Variants in SIGLEC11 observed in about 807,000 individuals in gnomAD.
The protein encoded by SIGLEC11 is sialic acid binding Ig like lectin 11.
A neutral mutation model predicts 61.2 loss-of-function variants in SIGLEC11; 47 were observed. The ratio of observed to expected loss-of-function variants is 0.77; its 90% CI spans 0.61 to 0.98. The LOEUF (loss-of-function observed/expected upper bound fraction) is 0.98. SIGLEC11 is among the 50% of genes least tolerant of loss of function. SIGLEC11 has a pLI of 0.00. For missense variants in SIGLEC11, 610 were observed against 870.3 expected (o/e 0.70, Z 3.76); for synonymous variants, 278 against 373.1 (o/e 0.75, Z 2.94).
intron 8 of SIGLEC11, among the ~76,000 whole-genome samples, chr19:49,954,223 G>C (rs1485167137): frequency 6.6e-6 from 1 of 152,164 alleles, no homozygotes; most frequent in Non-Finnish European, 1.5e-5. Context: ...CCCAGAAAGA[G>C]CAAGAGAAGC....
rs2122880125 is a variant in SIGLEC11 at position 49,951,718 on chromosome 19, G to A, written c.1830+173C>T. Among the ~76,000 whole-genome samples, 1 of 152,220 alleles carries A rather than the reference G, an allele frequency of 6.6e-6. No homozygotes were observed. Among genetic ancestry groups the A allele is most frequent in the Middle Eastern group, 3.4e-3 (1 of 294 alleles). On this transcript the variant is annotated intron_variant, in intron 10 of 10. Transcript: ENST00000447370. The surrounding 1 kb of genome is among the most constrained non-coding windows in gnomAD (Gnocchi z 4.6). The stretch of plus-strand genomic sequence containing the variant: ...TTGGTTCTGGGAGGGGATGTAGGGA[G>A]CAGTGGGGAGGGTGCCTCCCAGATC...
intron 8 of SIGLEC11, among the ~76,000 whole-genome samples, chr19:49,957,107 C>T (rs1187579802): frequency 6.6e-6 from 1 of 152,128 alleles, no homozygotes; most frequent in Non-Finnish European, 1.5e-5. Context: ...TAGGAAGTTG[C>T]CGAATACTCC....
Position 49,958,342 on chromosome 19 carries a change from C to T in SIGLEC11, c.1592G>A (p.Arg531His), listed in dbSNP as rs559294928. 24 of 1,614,214 alleles carry T rather than the reference C, an allele frequency of 1.5e-5. No individual in the cohort carries two copies. In the Admixed American group the frequency reaches 2.8e-4, roughly 19 times the overall value. Residue 531 changes from arginine to histidine, a missense_variant, in exon 8 of 11, where the codon CGC becomes CAC. This residue lies in a region of SIGLEC11 where 432 missense variants were observed against 441.5 expected (regional missense o/e 0.98). Coordinates refer to ENST00000447370, the MANE Select transcript of SIGLEC11 (RefSeq NM_052884.3). The part of the protein sequence containing the change: ...HGGLSSGLRL[R>H]CKAWNVHGAQ... ...CCCGTGGACGTTCCAGGCCTTACAG[C>T]GGAGCCTGAGGCCGGAGCTGAGCCC...
At position 49,958,702 on chromosome 19, in the gene SIGLEC11, G is replaced by A. The variant is rs376222513; in HGVS notation, c.1304C>T (p.Thr435Ile). ...GCCCAGAGGGTGCTGAGCGTGGCAG[G>A]TGAACTCTCCTTCGTGCTCCATTTG... ...PIQMEHEGEF[T>I]CHAQHPLGSQ... Residue 435 changes from threonine to isoleucine, a missense_variant, in exon 7 of 11, where the codon ACC becomes ATC. By Grantham distance (89) the Thr-to-Ile change is moderately conservative. Transcript: ENST00000447370. The A allele has an allele frequency of 8.1e-6, 13 of 1,612,574 alleles. No individual in the cohort carries two copies. The highest frequency in any genetic ancestry group is 5.3e-5 in the African/African-American group (4 of 74,922).
Position 49,949,899 on chromosome 19 carries a change from G to A in SIGLEC11, c.*71C>T. ...CATTGGGGATGGGGCTGAAATCTGA[G>A]TCCAGTTCTGGCCGTCACACCAGTG... On this transcript the variant is annotated 3_prime_UTR_variant, in exon 11 of 11. Coordinates refer to ENST00000447370, the MANE Select transcript of SIGLEC11 (RefSeq NM_052884.3). The A allele has an allele frequency of 1.5e-6, 2 of 1,326,270 alleles. No individual in the cohort carries two copies. The highest frequency in any genetic ancestry group is 1.9e-6 in the Non-Finnish European group (2 of 1,026,354). The allele number at this position is 1,326,270 out of a possible 1,614,324, so 82.2% of individuals were successfully genotyped here.
Position 49,958,634 on chromosome 19 carries a change from C to T in SIGLEC11, c.1363+9G>A. ...CCTGGGACCCAGGTGTCCCCTTTCC[C>T]CCACTCACAGTGCACGGAGAGGCTG... On this transcript the variant is annotated intron_variant, in intron 7 of 10. Coordinates refer to ENST00000447370, the MANE Select transcript of SIGLEC11 (RefSeq NM_052884.3). The T allele has an allele frequency of 6.3e-7, 1 of 1,580,328 alleles. No homozygotes were observed. Among genetic ancestry groups the T allele is most frequent in the Non-Finnish European group, 8.6e-7 (1 of 1,163,876 alleles).
At chr19:49,952,188 C>T (rs1287979221) in intron 9 of SIGLEC11, 110 bp downstream of exon 9, 8 of 1,219,274 alleles carry the variant, frequency 6.6e-6, no homozygotes, top group Non-Finnish European at 9.3e-6. Flanking sequence ...TTGCCCAAGG[C>T]CTAGTTCTCA....
rs1167316371 is a variant in SIGLEC11, at chr19:49,958,277, C to G, written c.1651+6G>C. The G allele has an allele frequency of 6.2e-7, 1 of 1,613,724 alleles. No homozygotes were observed. Among genetic ancestry groups the G allele is most frequent in the Admixed American group, 1.7e-5 (1 of 59,832 alleles). ...CCTGAACCTCAGCCCCCCACAGTCC[C>G]CTCACCTGGTAGCAGCTGGAAGACA... On this transcript the variant is annotated splice_donor_region_variant and intron_variant, in intron 8 of 10. Coordinates refer to ENST00000447370, the MANE Select transcript of SIGLEC11 (RefSeq NM_052884.3).
At position 49,955,498 on chromosome 19, in the gene SIGLEC11, C is replaced by T. The variant is rs986052597; in HGVS notation, c.1651+2785G>A. Among the ~76,000 whole-genome samples, 11 of 152,202 alleles carry T rather than the reference C, an allele frequency of 7.2e-5. No homozygotes were observed. In the South Asian group the frequency reaches 1.0e-3, roughly 14 times the overall value. ...GAAACAGTAAAGATAGATGGCAGTG[C>T]GTGCGTGCACAGGGGCGGGGCCCAC... On this transcript the variant is annotated intron_variant, in intron 8 of 10. Transcript: ENST00000447370. This position sits in a 1 kb window ranked among gnomAD's most constrained non-coding sequence, Gnocchi z 4.5.
intron 8 of SIGLEC11, 117 bp downstream of exon 8, chr19:49,958,166 C>T (rs577657121): frequency 6.9e-7 from 1 of 1,453,824 alleles, no homozygotes; most frequent in Non-Finnish European, 9.4e-7. Flanking sequence ...AGAGCAGGGA[C>T]TTTGTCCCCA....
intron 10 of SIGLEC11, among the ~76,000 whole-genome samples, chr19:49,950,731 G>A (rs547868514): frequency 1.3e-5 from 2 of 152,310 alleles, no homozygotes; most frequent in East Asian, 3.9e-4. Context: ...CAGTATGGAA[G>A]AAGAAGTAGA....
chr19:49,950,258 G>A, intron 10 of SIGLEC11, 22 bp from the exon 11 acceptor site: 1 of 1,529,028 alleles, frequency 6.5e-7, no homozygotes, highest in Non-Finnish European at 8.8e-7. Context: ...GGAGAAAGGG[G>A]GTCAAATTAG....
In SIGLEC11 at chr19:49,955,495, G is replaced by A. The variant is rs2076189682; in HGVS notation, c.1651+2788C>T. Among the ~76,000 whole-genome samples, 1 of 152,218 alleles carries A rather than the reference G, an allele frequency of 6.6e-6. No homozygotes were observed. Among genetic ancestry groups the A allele is most frequent in the Non-Finnish European group, 1.5e-5 (1 of 68,050 alleles). ...AAAGAAACAGTAAAGATAGATGGCAGTGCGTGCGTGCACAGGGGCGGGGCC... is the reference window on the plus strand; with the variant it reads ...AAAGAAACAGTAAAGATAGATGGCAATGCGTGCGTGCACAGGGGCGGGGCC... On this transcript the variant is annotated intron_variant, in intron 8 of 10. Transcript: ENST00000447370. This position sits in a 1 kb window ranked among gnomAD's most constrained non-coding sequence, Gnocchi z 4.5.
chr19:49,952,114 G>A, intron 9 of SIGLEC11, 142 bp from the exon 10 acceptor site: 1 of 1,023,570 alleles, frequency 9.8e-7, no homozygotes. Flanking sequence ...TCCATAGTGA[G>A]AACTGGGGAC....
At chr19:49,957,851 C>T (rs187764643) in intron 8 of SIGLEC11, among the ~76,000 whole-genome samples, 80 of 152,156 alleles carry the variant, frequency 5.3e-4, no homozygotes, top group Middle Eastern at 3.4e-3. Context: ...ATTAGCTGGG[C>T]GTGGTGGCGC....
At chr19:49,956,509 T>C (rs111524472) in intron 8 of SIGLEC11, among the ~76,000 whole-genome samples, 8 of 152,298 alleles carry the variant, frequency 5.3e-5, no homozygotes, top group African/African-American at 1.7e-4. Flanking sequence ...GGGGCCTGTG[T>C]GCTTGAAACA....
rs556913162 is a variant in SIGLEC11, at chr19:49,958,839, C to T, written c.1167G>A (p.Leu389=). The change falls in exon 7 of 11, where the codon CTG becomes CTA. Residue 389 remains leucine (L), a synonymous_variant. Transcript: ENST00000447370. Reference sequence around the variant, plus strand: ...GGGGGCTGCTGTGGGTGACACAGACCAGGCGCAGGCTTTGGCCCTCCAGGA... The same window carrying T: ...GGGGGCTGCTGTGGGTGACACAGACTAGGCGCAGGCTTTGGCCCTCCAGGA... ...LPVLEGQSLR[L]VCVTHSSPPA... is the part of the protein sequence containing the mutation. The T allele has an allele frequency of 6.2e-7, 1 of 1,610,822 alleles. No individual in the cohort carries two copies. Among genetic ancestry groups the T allele is most frequent in the African/African-American group, 1.3e-5 (1 of 74,930 alleles).
At position 49,958,779 on chromosome 19, in the gene SIGLEC11, G is replaced by A. The variant is rs747014469; in HGVS notation, c.1227C>T (p.Thr409=). 8.1e-6 allele frequency: 13 copies of A among 1,613,650 alleles called. No individual in the cohort carries two copies. The highest frequency in any genetic ancestry group is 3.3e-5 in the Admixed American group (2 of 59,964). Residue 409 remains threonine (T), a synonymous_variant, in exon 7 of 11, where the codon ACC becomes ACT. Transcript: ENST00000447370. ...ARLSWTRWGQ[T]VGPSQPSDPG... ...GGTCTGAGGGCTGGGAGGGGCCCAC[G>A]GTCTGTCCCCACCGGGTCCAGCTCA...
intron 8 of SIGLEC11, among the ~76,000 whole-genome samples, chr19:49,956,377 G>C (rs981149560): frequency 6.6e-6 from 1 of 151,416 alleles, no homozygotes; most frequent in Non-Finnish European, 1.5e-5. Flanking sequence ...TCCGTTCCCT[G>C]TTTCTCTTCT....
Sources: allele counts gnomAD v4.1 joint callset (sites outside exome capture counted in the v4.1 genomes callset), GRCh38; gene constraint gnomAD v4.1.1; regional missense constraint gnomAD v4.1.1; non-coding constraint Gnocchi (gnomAD v3.1); transcripts MANE v1.5; gene names NCBI Gene and HGNC (gene_info 2026-07-23, HGNC 2026-07-21).